The following LOC128125822 variants were observed in gnomAD, a reference collection of about 807,000 sequenced individuals.
At chr6:63,579,230 T>G in the LOC128125822 span, 1 of 1,572,314 alleles carries the variant, frequency 6.4e-7, no homozygotes, top group Non-Finnish European at 8.7e-7. Context: ...TTGAAAAAAC[T>G]ATTTATCAAA....
the LOC128125822 span, among the ~76,000 whole-genome samples, chr6:63,577,702 G>A: frequency 3.9e-5 from 6 of 152,006 alleles, no homozygotes; most frequent in African/African-American, 1.4e-4. Flanking sequence ...GACTACAGGC[G>A]TACGCCACCT....
chr6:63,580,249 T>A, the LOC128125822 span: 2 of 1,219,338 alleles, frequency 1.6e-6, no homozygotes, highest in Non-Finnish European at 2.4e-6. Context: ...AGCCAACATG[T>A]TGGCTTAGTA....
At chr6:63,573,546 G>A in the LOC128125822 span, 1 of 152,242 alleles carries the variant, frequency 6.6e-6, no homozygotes, top group Non-Finnish European at 1.5e-5. Flanking sequence ...CCGCGTGCGC[G>A]GGGCGGCGGC....
At chr6:63,574,893 C>A in the LOC128125822 span, among the ~76,000 whole-genome samples, 7 of 152,154 alleles carry the variant, frequency 4.6e-5, no homozygotes, top group African/African-American at 1.7e-4. Context: ...GTAATTTAGA[C>A]ACTTAATTTT....
chr6:63,583,196 GAT>G, the LOC128125822 span: 1 of 152,120 alleles, frequency 6.6e-6, no homozygotes, highest in East Asian at 1.9e-4. Context: ...ATAAGTGAAT[GAT>G]ATTTTTCTTT....
At chr6:63,579,840 T>G in the LOC128125822 span, among the ~76,000 whole-genome samples, 37 of 152,316 alleles carry the variant, frequency 2.4e-4, no homozygotes, top group Middle Eastern at 3.4e-3. Context: ...TCGACTGTTG[T>G]AACCAATACT....
At chr6:63,582,855 T>C in the LOC128125822 span, 1 of 152,252 alleles carries the variant, frequency 6.6e-6, no homozygotes, top group Non-Finnish European at 1.5e-5. Context: ...TTCCCACGCC[T>C]TAACACAGCT....
At chr6:63,578,843 T>C in the LOC128125822 span, 2 of 1,385,150 alleles carry the variant, frequency 1.4e-6, no homozygotes, top group South Asian at 1.6e-5. Flanking sequence ...TTTAGAATTA[T>C]TACTACAGTG....
At chr6:63,578,891 G>C in the LOC128125822 span, 1 of 1,534,888 alleles carries the variant, frequency 6.5e-7, no homozygotes, top group Non-Finnish European at 8.8e-7. Flanking sequence ...ATATTCTTCT[G>C]ACTTAGGATT....
the LOC128125822 span, among the ~76,000 whole-genome samples, chr6:63,577,698 A>G: frequency 2.6e-5 from 4 of 152,260 alleles, no homozygotes; most frequent in South Asian, 8.3e-4. Context: ...CTGAGACTAC[A>G]GGCGTACGCC....
the LOC128125822 span, chr6:63,581,094 A>G: frequency 1.3e-5 from 2 of 152,048 alleles, no homozygotes; most frequent in Non-Finnish European, 2.9e-5. Flanking sequence ...TTTTTTTCCC[A>G]TACTTATCAG....
the LOC128125822 span, chr6:63,580,782 A>G: frequency 1.3e-5 from 2 of 148,684 alleles, no homozygotes; most frequent in Non-Finnish European, 3.0e-5. Flanking sequence ...GTTTCCATGT[A>G]TCTCACTTTG....
the LOC128125822 span, chr6:63,579,988 C>A: frequency 8.7e-7 from 1 of 1,150,960 alleles, no homozygotes; most frequent in Non-Finnish European, 1.3e-6. Flanking sequence ...TGATGGTTGT[C>A]TATAAGACAC....
chr6:63,572,489 C>T, the LOC128125822 span: 1 of 390,046 alleles, frequency 2.6e-6, no homozygotes, highest in East Asian at 3.7e-5. Flanking sequence ...CGCCTCGGCG[C>T]GTGTATTGGC....
At chr6:63,575,475 G>A in the LOC128125822 span, among the ~76,000 whole-genome samples, 2 of 152,086 alleles carry the variant, frequency 1.3e-5, no homozygotes, top group East Asian at 3.8e-4. Flanking sequence ...CATAAAAATG[G>A]TTTAGTTCTT....
chr6:63,576,865 T>A, the LOC128125822 span: 15 of 1,602,158 alleles, frequency 9.4e-6, no homozygotes, highest in Non-Finnish European at 1.3e-5. Flanking sequence ...ATTGAGTGTT[T>A]TTTAACTAAA....
the LOC128125822 span, among the ~76,000 whole-genome samples, chr6:63,573,085 C>G: frequency 3.3e-5 from 5 of 152,138 alleles, no homozygotes; most frequent in African/African-American, 7.2e-5. Context: ...GCTTTGTGAC[C>G]GCCGCCTCCG....
the LOC128125822 span, chr6:63,578,314 C>A: frequency 8.5e-7 from 1 of 1,175,436 alleles, no homozygotes; most frequent in Non-Finnish European, 1.1e-6. Context: ...TGGATTCTAG[C>A]ATTCTTTAAA....
the LOC128125822 span, chr6:63,581,183 T>G: frequency 6.6e-6 from 1 of 152,438 alleles, no homozygotes; most frequent in Non-Finnish European, 1.5e-5. Context: ...AAAAAAGAAA[T>G]GGGTTTCTGC....
Sources: gnomAD v4.1 joint callset for allele counts (sites outside exome capture counted in the v4.1 genomes callset) on GRCh38, gnomAD v4.1.1 for gene constraint, MANE v1.5 for transcripts.